MYO3A: variants seen among roughly 807,000 people sequenced by gnomAD.
MYO3A encodes myosin IIIA, also known as myosin-IIIa.
MYO3A carries 180 observed loss-of-function variants against 192.7 expected under a neutral mutation model. The observed-to-expected ratio is 0.93, with a 90% CI of 0.83 to 1.06. The LOEUF (loss-of-function observed/expected upper bound fraction) is 1.06, where lower values mean the gene tolerates loss of function less well. Ranked by LOEUF, MYO3A falls within the 50% of genes least tolerant of loss-of-function variation. The pLI is 0.00. For missense variants in MYO3A, 1,896 were observed against 1,905.0 expected (o/e 1.00, Z 0.09); for synonymous variants, 628 against 645.3 (o/e 0.97, Z 0.41).
intron 17 of MYO3A, among the ~76,000 whole-genome samples, chr10:26,119,129 G>A (rs1046163905): frequency 2.0e-5 from 3 of 152,056 alleles, no homozygotes; most frequent in African/African-American, 7.3e-5. Context: ...TGTCATTCAG[G>A]CCTCAACTTC....
intron 10 of MYO3A, among the ~76,000 whole-genome samples, chr10:26,049,389 C>T (rs187907581): frequency 6.6e-6 from 1 of 152,134 alleles, no homozygotes; most frequent in East Asian, 1.9e-4. Context: ...TTAGGAAGCT[C>T]AGCTATGAAG....
In MYO3A at chr10:26,175,123, A is replaced by G. The variant is rs558313054; in HGVS notation, c.4293+566A>G. Among the ~76,000 whole-genome samples the G allele has an allele frequency of 7.8e-4, 119 of 152,322 alleles. 1 individual carries two copies. The highest frequency in any genetic ancestry group is 2.8e-3 in the African/African-American group (115 of 41,570). ...TCCTGGAGAATATCTCATGCCAATC[A>G]TAGGTGTGTTTCAGCTGTTTCTAGA... On this transcript the variant is annotated intron_variant, in intron 30 of 34. Coordinates refer to ENST00000642920, the MANE Select transcript of MYO3A (RefSeq NM_017433.5).
At chr10:26,203,179 C>A in intron 34 of MYO3A, 72 bp downstream of exon 34, 1 of 1,485,110 alleles carries the variant, frequency 6.7e-7, no homozygotes, top group Non-Finnish European at 9.3e-7. Context: ...AGATATTTCA[C>A]TTTATATATA....
intron 17 of MYO3A, among the ~76,000 whole-genome samples, chr10:26,113,298 C>T (rs548162505): frequency 6.6e-6 from 1 of 151,948 alleles, no homozygotes; most frequent in African/African-American, 2.4e-5. Context: ...AGTGAAACCC[C>T]GTCTCTTTTA....
chr10:26,194,904 TATACACACAC>T (rs1355827001), intron 32 of MYO3A, among the ~76,000 whole-genome samples: 1 of 152,210 alleles, frequency 6.6e-6, no homozygotes, highest in East Asian at 1.9e-4. Flanking sequence ...TATAGAGATA[TATACACACAC>T]ATACACATCC....
At chr10:25,955,094 A>G (rs956194058) in intron 4 of MYO3A, 86 bp downstream of exon 4, 6 of 1,534,396 alleles carry the variant, frequency 3.9e-6, no homozygotes, top group Non-Finnish European at 4.5e-6. Flanking sequence ...TAACATTGAT[A>G]TCATAAAAAC....
At chr10:26,024,699 G>A (rs935533584) in intron 9 of MYO3A, among the ~76,000 whole-genome samples, 2 of 152,136 alleles carry the variant, frequency 1.3e-5, no homozygotes, top group African/African-American at 4.8e-5. Context: ...TGTCTGAAAA[G>A]GATCATATTT....
chr10:26,099,251 C>G (rs978235327), intron 17 of MYO3A, among the ~76,000 whole-genome samples: 1 of 152,122 alleles, frequency 6.6e-6, no homozygotes, highest in Non-Finnish European at 1.5e-5. Flanking sequence ...GATTTTGGCA[C>G]ATTGATTTTG....
intron 2 of MYO3A, among the ~76,000 whole-genome samples, chr10:25,951,876 T>C (rs1837227778): frequency 6.6e-6 from 1 of 152,180 alleles, no homozygotes; most frequent in African/African-American, 2.4e-5. Context: ...AGATTGGACA[T>C]AGAAATAAAG....
chr10:26,014,408 A>C (rs1841861794), intron 6 of MYO3A, among the ~76,000 whole-genome samples: 1 of 152,076 alleles, frequency 6.6e-6, no homozygotes, highest in Non-Finnish European at 1.5e-5. Context: ...GGAGAGCAAA[A>C]CTTTTGCTTG....
At chr10:26,112,833 C>A (rs1334215905) in intron 17 of MYO3A, among the ~76,000 whole-genome samples, 2 of 152,120 alleles carry the variant, frequency 1.3e-5, no homozygotes, top group African/African-American at 4.8e-5. Context: ...CATTTCCCTG[C>A]CATAGTTTTA....
At chr10:26,085,358 G>A (rs1440899206) in intron 14 of MYO3A, among the ~76,000 whole-genome samples, 24 of 151,310 alleles carry the variant, frequency 1.6e-4, no homozygotes, top group Admixed American at 1.6e-3. Context: ...TATTTATTTT[G>A]GAGCTTTCTT....
chr10:25,995,989 C>T (rs566583921), intron 4 of MYO3A, among the ~76,000 whole-genome samples: 3 of 152,232 alleles, frequency 2.0e-5, no homozygotes, highest in Non-Finnish European at 2.9e-5. Flanking sequence ...GTTCTCAGAT[C>T]TTAAACTCCA....
intron 6 of MYO3A, among the ~76,000 whole-genome samples, chr10:25,997,967 C>T (rs1271060436): frequency 6.6e-6 from 1 of 152,182 alleles, no homozygotes; most frequent in Non-Finnish European, 1.5e-5. Context: ...CTGAAGATGT[C>T]TCAGTATCCT....
chr10:26,209,795 T>C (rs1213721617), intron 34 of MYO3A, among the ~76,000 whole-genome samples: 4 of 152,170 alleles, frequency 2.6e-5, no homozygotes, highest in African/African-American at 9.7e-5. Flanking sequence ...AAATATTGTC[T>C]GAGTACTTAA....
At chr10:25,973,717 A>G (rs1838800931) in intron 4 of MYO3A, among the ~76,000 whole-genome samples, 1 of 152,210 alleles carries the variant, frequency 6.6e-6, no homozygotes, top group African/African-American at 2.4e-5. Context: ...TAACCAAAAC[A>G]GCATGGTATG....
At chr10:26,123,842 C>T (rs1454377310) in intron 18 of MYO3A, among the ~76,000 whole-genome samples, 38 of 152,078 alleles carry the variant, frequency 2.5e-4, no homozygotes, top group Admixed American at 2.5e-3. Flanking sequence ...AGGAGAATGG[C>T]GTGAACCCAG....
intron 10 of MYO3A, among the ~76,000 whole-genome samples, chr10:26,057,317 A>T (rs1241327683): frequency 6.6e-6 from 1 of 152,186 alleles, no homozygotes; most frequent in Non-Finnish European, 1.5e-5. Flanking sequence ...GAAGCTTCTG[A>T]TAGGATGATA....
At chr10:26,152,953 G>A (rs969957997) in intron 23 of MYO3A, among the ~76,000 whole-genome samples, 8 of 152,180 alleles carry the variant, frequency 5.3e-5, no homozygotes, top group African/African-American at 1.9e-4. Flanking sequence ...TAAAGAATGG[G>A]AAAGGTTTGC....
Sources: allele counts gnomAD v4.1 joint callset (sites outside exome capture counted in the v4.1 genomes callset), GRCh38; gene constraint gnomAD v4.1.1; transcripts MANE v1.5; gene names NCBI Gene and HGNC (gene_info 2026-07-23, HGNC 2026-07-21).